PDGFC: variants seen among roughly 807,000 people sequenced by gnomAD.
PDGFC encodes the protein platelet derived growth factor C.
PDGFC carries 12 observed loss-of-function variants against 35.5 expected under a neutral mutation model. The ratio of observed to expected loss-of-function variants is 0.34; its 90% confidence interval spans 0.22 to 0.55. The LOEUF (loss-of-function observed/expected upper bound fraction) is 0.55, where lower values mean the gene tolerates loss of function less well. PDGFC is among the 20% of genes least tolerant of loss of function. The pLI is 0.91. For synonymous variants in PDGFC, 159 were observed against 148.8 expected (o/e 1.07, Z -0.50); for missense variants, 322 against 412.4 (o/e 0.78, Z 1.90).
At chr4:156,937,656 G>A (rs1046058314) in intron 1 of PDGFC, among the ~76,000 whole-genome samples, 6 of 152,152 alleles carry the variant, frequency 3.9e-5, no homozygotes, top group African/African-American at 9.7e-5. Flanking sequence ...AGCTGTGATC[G>A]TGCTACTGCA....
At chr4:156,899,729 T>A (rs1175743331) in intron 1 of PDGFC, among the ~76,000 whole-genome samples, 1 of 152,154 alleles carries the variant, frequency 6.6e-6, no homozygotes, top group Non-Finnish European at 1.5e-5. Flanking sequence ...GCAGGAGGAT[T>A]GCTTGAGCCC....
intron 1 of PDGFC, among the ~76,000 whole-genome samples, chr4:156,930,430 G>A (rs1400785078): frequency 6.6e-6 from 1 of 152,096 alleles, no homozygotes; most frequent in Non-Finnish European, 1.5e-5. Context: ...TTTTGGCGGG[G>A]ACCAATGTGG....
chr4:156,902,500 A>G (rs1579088596), intron 1 of PDGFC, among the ~76,000 whole-genome samples: 1 of 152,188 alleles, frequency 6.6e-6, no homozygotes, highest in Non-Finnish European at 1.5e-5. Flanking sequence ...ACATTCATAA[A>G]CAATATACCT....
At chr4:156,804,379 T>G (rs1263412686) in intron 3 of PDGFC, among the ~76,000 whole-genome samples, 1 of 152,156 alleles carries the variant, frequency 6.6e-6, no homozygotes, top group Non-Finnish European at 1.5e-5. Context: ...CTGACTAATC[T>G]GGTAACAAGC....
intron 1 of PDGFC, among the ~76,000 whole-genome samples, chr4:156,859,212 C>T (rs1005051711): frequency 3.9e-5 from 6 of 151,966 alleles, no homozygotes; most frequent in African/African-American, 1.4e-4. Context: ...TTTAGTCTTA[C>T]TATATTCAGA....
At chr4:156,923,323 T>C (rs575181283) in intron 1 of PDGFC, among the ~76,000 whole-genome samples, 2 of 152,330 alleles carry the variant, frequency 1.3e-5, no homozygotes, top group East Asian at 3.9e-4. Flanking sequence ...TGGCTGCTTC[T>C]TTCTCATCGT....
At chr4:156,767,700 C>T in intron 5 of PDGFC, 73 bp downstream of exon 5, 1 of 899,574 alleles carries the variant, frequency 1.1e-6, no homozygotes, top group Non-Finnish European at 1.8e-6. Context: ...AACATAAACG[C>T]ATTTCAGATT....
intron 3 of PDGFC, among the ~76,000 whole-genome samples, chr4:156,810,096 A>G (rs896296721): frequency 6.6e-6 from 1 of 151,942 alleles, no homozygotes; most frequent in South Asian, 2.1e-4. Flanking sequence ...GGCTTTAATC[A>G]AGCAAATAAT....
chr4:156,877,542 T>C (rs923209703), intron 1 of PDGFC, among the ~76,000 whole-genome samples: 36 of 152,260 alleles, frequency 2.4e-4, no homozygotes, highest in African/African-American at 8.4e-4. Flanking sequence ...GCAAAAAATG[T>C]TAGTATATTA....
At chr4:156,767,690 A>G in intron 5 of PDGFC, 83 bp downstream of exon 5, 1 of 844,818 alleles carries the variant, frequency 1.2e-6, no homozygotes, top group Non-Finnish European at 1.9e-6. Context: ...CTTTTTTCCA[A>G]ACATAAACGC....
At chr4:156,782,353 G>A (rs1731004363) in intron 3 of PDGFC, among the ~76,000 whole-genome samples, 2 of 152,096 alleles carry the variant, frequency 1.3e-5, no homozygotes, top group African/African-American at 4.8e-5. Flanking sequence ...CAAAATGCAG[G>A]ATTTCAACTC....
At chr4:156,904,414 A>G (rs1730865504) in intron 1 of PDGFC, among the ~76,000 whole-genome samples, 1 of 152,152 alleles carries the variant, frequency 6.6e-6, no homozygotes. Context: ...CATCTTGAAC[A>G]TTAAATAAAA....
chr4:156,790,070 G>C (rs746292247), intron 3 of PDGFC, among the ~76,000 whole-genome samples: 2 of 151,592 alleles, frequency 1.3e-5, no homozygotes, highest in Non-Finnish European at 2.9e-5. Context: ...CCTGGGCACA[G>C]GCCCTGGATT....
intron 1 of PDGFC, among the ~76,000 whole-genome samples, chr4:156,960,524 G>C (rs2110969433): frequency 6.6e-6 from 1 of 151,224 alleles, no homozygotes; most frequent in Admixed American, 6.6e-5. Flanking sequence ...CAGAAATAGT[G>C]AACTTTTGTT....
chr4:156,762,961 A>C lies in PDGFC; in HGVS notation c.*129T>G. The stretch of plus-strand genomic sequence containing the variant: ...TGTCTCCTCTTTCAGAATGCACTGT[A>C]AATCCTGAAGATGAAAGGTCCTTGA... On this transcript the variant is annotated 3_prime_UTR_variant, in exon 6 of 6. Coordinates refer to ENST00000502773, the MANE Select transcript of PDGFC (RefSeq NM_016205.3). 1.7e-6 allele frequency: 1 copy of C among 605,688 alleles called. No homozygotes were observed. The highest frequency in any genetic ancestry group is 3.1e-6 in the Non-Finnish European group (1 of 326,940). The allele number at this position is 605,688 out of a possible 1,614,324, so 37.5% of individuals were successfully genotyped here.
chr4:156,877,407 C>T (rs1730140573), intron 1 of PDGFC, among the ~76,000 whole-genome samples: 1 of 152,080 alleles, frequency 6.6e-6, no homozygotes, highest in Admixed American at 6.6e-5. Context: ...TTAAGTAGCA[C>T]ATTCAAATGA....
At chr4:156,952,737 T>G (rs183575547) in intron 1 of PDGFC, among the ~76,000 whole-genome samples, 1 of 151,874 alleles carries the variant, frequency 6.6e-6, no homozygotes, top group African/African-American at 2.4e-5. Context: ...TAACACCAAG[T>G]AAATTTCCTT....
At chr4:156,915,151 C>T (rs577262426) in intron 1 of PDGFC, among the ~76,000 whole-genome samples, 1 of 152,188 alleles carries the variant, frequency 6.6e-6, no homozygotes, top group Non-Finnish European at 1.5e-5. Flanking sequence ...AATGCAGCAA[C>T]TAGCATTAAA....
chr4:156,884,885 A>G (rs1730337453), intron 1 of PDGFC, among the ~76,000 whole-genome samples: 1 of 152,194 alleles, frequency 6.6e-6, no homozygotes, highest in African/African-American at 2.4e-5. Context: ...ACCTGTTTAC[A>G]AACAAGTTTT....
Sources: gnomAD v4.1 joint callset for allele counts (sites outside exome capture counted in the v4.1 genomes callset) on GRCh38, gnomAD v4.1.1 for gene constraint, MANE v1.5 for transcripts, NCBI Gene and HGNC (gene_info 2026-07-23, HGNC 2026-07-21) for gene names.